CDH4: variants seen among roughly 807,000 people sequenced by gnomAD.
CDH4 encodes cadherin 4.
Under a neutral mutation model 86.0 loss-of-function variants are expected in CDH4, and 33 were observed. The observed-to-expected ratio is 0.38, with a 90% CI of 0.29 to 0.51. CDH4 has a LOEUF of 0.51. Ranked by LOEUF, CDH4 falls within the 20% of genes least tolerant of loss-of-function variation. CDH4 has a pLI of 0.86. For synonymous variants in CDH4, 555 were observed against 549.4 expected (o/e 1.01, Z -0.14); for missense variants, 1,114 against 1,307.4 (o/e 0.85, Z 2.28).
At chr20:61,363,100 G>A (rs926457003) in intron 2 of CDH4, among the ~76,000 whole-genome samples, 3 of 152,140 alleles carry the variant, frequency 2.0e-5, no homozygotes, top group African/African-American at 7.2e-5. Context: ...TGAACCTGCT[G>A]CATCCGTGCC....
intron 2 of CDH4, among the ~76,000 whole-genome samples, chr20:61,588,176 A>C (rs1450093423): frequency 6.6e-6 from 1 of 152,220 alleles, no homozygotes; most frequent in African/African-American, 2.4e-5. Context: ...TATTATTATT[A>C]ATTGTAGCAA....
intron 9 of CDH4, among the ~76,000 whole-genome samples, chr20:61,920,060 TG>T (rs2054954940): frequency 8.2e-6 from 1 of 122,318 alleles, no homozygotes; most frequent in African/African-American, 3.2e-5. Flanking sequence ...GTATCGTGAT[TG>T]TGTGGAAGCG....
chr20:61,436,453 C>T (rs1381457611), intron 2 of CDH4: 4 of 152,210 alleles, frequency 2.6e-5, no homozygotes, highest in African/African-American at 9.6e-5. Context: ...GGATAACTCA[C>T]TGGAATGACT....
At chr20:61,373,257 A>C (rs888981358) in intron 2 of CDH4, among the ~76,000 whole-genome samples, 2 of 150,686 alleles carry the variant, frequency 1.3e-5, no homozygotes, top group Non-Finnish European at 3.0e-5. Flanking sequence ...GGCCGTCAGC[A>C]CTAGGCAGCT....
At chr20:61,429,755 G>GTGGATGGATGGATGGATGGATGGATGGA (rs111226650) in intron 2 of CDH4, among the ~76,000 whole-genome samples, 10 of 141,188 alleles carry the variant, frequency 7.1e-5, no homozygotes, top group African/African-American at 2.6e-4. Context: ...GGATAGGTGT[G>GTGGATGGATGGATGGATGGATGGATGGA]TGGATGGATG....
intron 2 of CDH4, among the ~76,000 whole-genome samples, chr20:61,621,762 A>T (rs1162898322): frequency 6.6e-6 from 1 of 152,254 alleles, no homozygotes; most frequent in Admixed American, 6.5e-5. Flanking sequence ...TTTAATATTT[A>T]ATTCAGATTG....
chr20:61,614,771 G>T (rs537489541), intron 2 of CDH4, among the ~76,000 whole-genome samples: 8 of 152,120 alleles, frequency 5.3e-5, no homozygotes, highest in Non-Finnish European at 8.8e-5. Context: ...AAAATTCAGT[G>T]AGGGGGTGAC....
intron 2 of CDH4, among the ~76,000 whole-genome samples, chr20:61,625,722 T>C (rs975266938): frequency 1.3e-5 from 2 of 152,290 alleles, no homozygotes; most frequent in African/African-American, 4.8e-5. Context: ...ATTAATGTCG[T>C]AACAGACCCA....
chr20:61,434,992 C>A (rs2085272682), intron 2 of CDH4: 1 of 152,186 alleles, frequency 6.6e-6, no homozygotes, highest in Non-Finnish European at 1.5e-5. Flanking sequence ...GTAGATAAAA[C>A]AACCAATTTG....
At chr20:61,883,399 T>C (rs1002379526) in intron 7 of CDH4, among the ~76,000 whole-genome samples, 1 of 152,210 alleles carries the variant, frequency 6.6e-6, no homozygotes, top group Non-Finnish European at 1.5e-5. Context: ...AGTGGTGGTA[T>C]CTGTGGTTGT....
intron 2 of CDH4, among the ~76,000 whole-genome samples, chr20:61,491,587 G>A (rs987698655): frequency 2.2e-4 from 33 of 152,232 alleles, no homozygotes. Flanking sequence ...CAGTCTTGAA[G>A]AAAGTGAAAT....
rs560285705 is a variant in CDH4, at chr20:61,916,621, G to A, written c.1374+6014G>A. Among the ~76,000 whole-genome samples, 44 of 152,318 alleles carry A rather than the reference G, an allele frequency of 2.9e-4. 1 individual carries two copies. The South Asian group carries it at 8.7e-3, about 30-fold the overall frequency. On this transcript the variant is annotated intron_variant, in intron 9 of 15. Transcript: ENST00000614565. ...CATTCTCCCTGCTTAGTTCCCCAGAGCATGAAGGTTACTTTAATTCCATGA... is the reference window on the plus strand; with the variant it reads ...CATTCTCCCTGCTTAGTTCCCCAGAACATGAAGGTTACTTTAATTCCATGA...
At chr20:61,548,763 C>T (rs887064845) in intron 2 of CDH4, among the ~76,000 whole-genome samples, 4 of 152,050 alleles carry the variant, frequency 2.6e-5, no homozygotes, top group African/African-American at 9.7e-5. Flanking sequence ...TACACCGTGA[C>T]CATTATTCTT....
At position 61,752,631 on chromosome 20, in the gene CDH4, A is replaced by G. The variant is rs2088513942; in HGVS notation, c.396+8842A>G. Among the ~76,000 whole-genome samples, 6 of 152,318 alleles carry G rather than the reference A, an allele frequency of 3.9e-5. No individual in the cohort carries two copies. In the South Asian group the frequency reaches 1.2e-3, roughly 32 times the overall value. Reference sequence around the variant, plus strand: ...AGCTGGAAACAACACACATGCCCTCACCATTGCAATGAGTCAATAAATTGC... The same window carrying G: ...AGCTGGAAACAACACACATGCCCTCGCCATTGCAATGAGTCAATAAATTGC... On this transcript the variant is annotated intron_variant, in intron 3 of 15. Transcript: ENST00000614565.
At chr20:61,334,849 A>G (rs2084608780) in intron 2 of CDH4, among the ~76,000 whole-genome samples, 1 of 152,194 alleles carries the variant, frequency 6.6e-6, no homozygotes, top group African/African-American at 2.4e-5. Flanking sequence ...CCTGTGCACG[A>G]TGGTGCTGGA....
intron 2 of CDH4, among the ~76,000 whole-genome samples, chr20:61,354,236 C>T (rs576793321): frequency 2.6e-5 from 4 of 152,132 alleles, no homozygotes; most frequent in Non-Finnish European, 4.4e-5. Flanking sequence ...CTCTAAGGAG[C>T]GGAAATGTCT....
chr20:61,894,819 T>C, intron 7 of CDH4, 91 bp from the exon 8 acceptor site: 1 of 1,419,068 alleles, frequency 7.0e-7, no homozygotes, highest in Admixed American at 2.1e-5. Context: ...AGGAACTCCG[T>C]TCCTGTAAAC....
rs978314221 is a variant in CDH4 at position 61,663,291 on chromosome 20, A to G, written c.170-80272A>G. ...CACGACAAATGAGTCCACGCAGGAAAGGAGTGGCACCCGCAGGAGGCCTGT... is the reference window on the plus strand; with the variant it reads ...CACGACAAATGAGTCCACGCAGGAAGGGAGTGGCACCCGCAGGAGGCCTGT... On this transcript the variant is annotated intron_variant, in intron 2 of 15. Coordinates refer to ENST00000614565, the MANE Select transcript of CDH4 (RefSeq NM_001794.5). This position sits in a 1 kb window ranked among gnomAD's most constrained non-coding sequence, Gnocchi z 5.0. 7.2e-5 allele frequency among the ~76,000 whole-genome samples: 11 copies of G among 152,218 alleles called. No individual in the cohort carries two copies. Among genetic ancestry groups the G allele is most frequent in the African/African-American group, 2.2e-4 (9 of 41,466 alleles).
chr20:61,657,056 A>C (rs1189418555), intron 2 of CDH4, among the ~76,000 whole-genome samples: 1 of 152,230 alleles, frequency 6.6e-6, no homozygotes. Context: ...CTTGGGCCAG[A>C]GCAGACGCCT....
Sources: gnomAD v4.1 joint callset for allele counts (sites outside exome capture counted in the v4.1 genomes callset) on GRCh38, gnomAD v4.1.1 for gene constraint, Gnocchi (gnomAD v3.1) non-coding constraint, MANE v1.5 for transcripts, NCBI Gene and HGNC (gene_info 2026-07-23, HGNC 2026-07-21) for gene names.